The following ASPM variants were observed in gnomAD, a reference collection of about 807,000 sequenced individuals.
The protein encoded by ASPM is assembly factor for spindle microtubules.
A neutral mutation model predicts 366.4 loss-of-function variants in ASPM; 256 were observed. The observed-to-expected ratio is 0.70, with a 90% CI of 0.63 to 0.77. The LOEUF (loss-of-function observed/expected upper bound fraction) is 0.77. Among genes scored for constraint, ASPM ranks in the 30% least tolerant of loss-of-function variants. ASPM has a pLI of 0.00. For missense variants in ASPM, 4,146 were observed against 4,090.4 expected, an observed-to-expected ratio of 1.01 and a Z score of -0.37; for synonymous variants, 1,414 against 1,342.9, an observed-to-expected ratio of 1.05 and a Z score of -1.16.
rs1454396399 is a variant in ASPM, at chr1:197,101,844, T to G, written c.7407A>C (p.Arg2469Ser). 2.5e-6 allele frequency: 4 copies of G among 1,612,886 alleles called. No individual in the cohort carries two copies. Among genetic ancestry groups the G allele is most frequent in the Non-Finnish European group, 2.5e-6 (3 of 1,179,332 alleles). ...KAAITIQSSYRRLMVKKKLQE... is the reference protein window; with the variant it reads ...KAAITIQSSYSRLMVKKKLQE... ...GTAACTTCTTCTTTACCATCAGTCT[T>G]CTGTAAGATGACTGTATTGTAATGG... Residue 2469 changes from arginine (R) to serine (S), a missense_variant, in exon 18 of 28, where the codon AGA (arginine) becomes AGC (serine). Coordinates refer to ENST00000367409, the MANE Select transcript of ASPM (RefSeq NM_018136.5).
At chr1:197,114,141 A>G (rs1469590779) in intron 17 of ASPM, among the ~76,000 whole-genome samples, 1 of 152,230 alleles carries the variant, frequency 6.6e-6, no homozygotes, top group African/African-American at 2.4e-5. Context: ...TGGTTTCCCA[A>G]TACATACCGA....
intron 4 of ASPM, chr1:197,139,251 CT>C: frequency 4.3e-6 from 4 of 934,352 alleles, no homozygotes; most frequent in Non-Finnish European, 5.2e-6. Flanking sequence ...TCTGACCATC[CT>C]TTTACCAACT....
intron 26 of ASPM, 106 bp downstream of exon 26, chr1:197,088,150 T>A (rs549304607): frequency 7.8e-7 from 1 of 1,284,806 alleles, no homozygotes; most frequent in East Asian, 2.3e-5. Context: ...TGAACACACA[T>A]AAAACCCTAT....
At chr1:197,092,141 A>C (rs1656806182) in intron 21 of ASPM, 85 bp from the exon 22 acceptor site, 1 of 1,310,776 alleles carries the variant, frequency 7.6e-7, no homozygotes, top group Non-Finnish European at 1.1e-6. Context: ...CCTCAACATC[A>C]AATTATATAA....
rs1000564133 is a variant in ASPM at position 197,096,314 on chromosome 1, T to C, written c.8821-150A>G. The C allele has an allele frequency of 8.5e-6, 6 of 705,642 alleles. No individual in the cohort carries two copies. In the Admixed American group the frequency reaches 1.2e-4, roughly 14 times the overall value. 43.7% of individuals were successfully genotyped at this position (705,642 alleles called of 1,614,324 possible). The stretch of plus-strand genomic sequence containing the variant: ...ATCATGACTCTTTTAGACTTTGACA[T>C]GTAATGAGTCTTCTGAGAACAGTGG... On this transcript the variant is annotated intron_variant, in intron 18 of 27. Coordinates refer to ENST00000367409, the MANE Select transcript of ASPM (RefSeq NM_018136.5).
rs1399597200 is a variant in ASPM, at chr1:197,101,659, C to T, written c.7592G>A (p.Trp2531Ter). The change falls in exon 18 of 28, where the codon TGG (tryptophan) becomes TAG (stop). Residue 2531 changes from tryptophan (W) to a stop codon, truncating the protein, a stop_gained. Transcript: ENST00000367409. LOFTEE classifies it high-confidence loss of function. Reference sequence around the variant, plus strand: ...AGCCTGAATAACCACAGCAGAATGCCATTGTCTGATATAATTTTCTCTTTG... The same window carrying T: ...AGCCTGAATAACCACAGCAGAATGCTATTGTCTGATATAATTTTCTCTTTG... ...KLQRENYIRQ[W>*]HSAVVIQAAY... The T allele has an allele frequency of 2.7e-5, 44 of 1,611,888 alleles. No individual in the cohort carries two copies. Among genetic ancestry groups the T allele is most frequent in the Non-Finnish European group, 3.6e-5 (42 of 1,179,058 alleles).
In ASPM at chr1:197,104,582, A is replaced by G. The variant is rs762259307; in HGVS notation, c.4669T>C (p.Cys1557Arg). Residue 1557 changes from cysteine (C) to arginine (R), a missense_variant, in exon 18 of 28, where the codon TGT becomes CGT. Transcript: ENST00000367409. Reference protein sequence around the residue: ...AFRRLKAHNLCRQIRAACVIQ... With the variant: ...AFRRLKAHNLRRQIRAACVIQ... ...ACACAAGCAGCTCTAATTTGTCTACATAAATTATGAGCTTTCAGTCTCCTA... is the reference window on the plus strand; with the variant it reads ...ACACAAGCAGCTCTAATTTGTCTACGTAAATTATGAGCTTTCAGTCTCCTA... The G allele has an allele frequency of 3.1e-6, 5 of 1,612,926 alleles. No individual in the cohort carries two copies. The South Asian group carries it at 4.4e-5, about 14-fold the overall frequency.
chr1:197,090,813 T>C, intron 23 of ASPM, 37 bp downstream of exon 23: 4 of 1,581,020 alleles, frequency 2.5e-6, no homozygotes, highest in Non-Finnish European at 3.5e-6. Context: ...AATTGCAAAC[T>C]AAAGTTTTGA....
chr1:197,146,076 G>A (rs1658766939), intron 1 of ASPM, 65 bp downstream of exon 1: 1 of 1,585,558 alleles, frequency 6.3e-7, no homozygotes, highest in Admixed American at 1.7e-5. Context: ...TTCCTGAGGA[G>A]GGTGGCAGGA....
chr1:197,146,114 C>T, intron 1 of ASPM, 27 bp downstream of exon 1: 1 of 1,613,848 alleles, frequency 6.2e-7, no homozygotes, highest in Non-Finnish European at 8.5e-7. Context: ...GAACACCGGC[C>T]TGGAGCACGC....
rs552227403 is a variant in ASPM, at chr1:197,135,027, G to A, written c.2173+69C>T. ...TAATAACTATGTATAATTAAAGAAT[G>A]ACAAACGATGTTAAAAATCTTTATC... On this transcript the variant is annotated intron_variant, in intron 5 of 27. Coordinates refer to ENST00000367409, the MANE Select transcript of ASPM (RefSeq NM_018136.5). The A allele has an allele frequency of 5.8e-4, 704 of 1,208,760 alleles. 3 individuals carry two copies. The Middle Eastern group carries it at 8.0e-3, about 14-fold the overall frequency. 74.9% of individuals were successfully genotyped at this position (1,208,760 alleles called of 1,614,324 possible). A position where few individuals can be genotyped will look rare whatever the true frequency, so the allele number is the denominator to read the frequency against.
In ASPM at chr1:197,132,355, G is replaced by A. The variant is rs1339989353; in HGVS notation, c.2420-3C>T. On this transcript the variant is annotated splice_polypyrimidine_tract_variant and splice_region_variant and intron_variant, in intron 6 of 27. Coordinates refer to ENST00000367409, the MANE Select transcript of ASPM (RefSeq NM_018136.5). ...ATTCAGGACTTTCTGACGTTCTCCTGAAATGCATGTCAAAGGCAAATAAGT... is the reference window on the plus strand; with the variant it reads ...ATTCAGGACTTTCTGACGTTCTCCTAAAATGCATGTCAAAGGCAAATAAGT... 3.7e-6 allele frequency: 6 copies of A among 1,612,854 alleles called. No homozygotes were observed. Among genetic ancestry groups the A allele is most frequent in the Middle Eastern group, 1.7e-4 (1 of 6,052 alleles).
In ASPM at chr1:197,093,362, A is replaced by T. The variant is rs145908430; in HGVS notation, c.9085-101T>A. On this transcript the variant is annotated intron_variant, in intron 20 of 27. Coordinates refer to ENST00000367409, the MANE Select transcript of ASPM (RefSeq NM_018136.5). ...TTCTCAATGAGATGGCATAATTATG[A>T]TTTATAGTCTAAGAATGCCATGTTT... 1,867 of 946,728 alleles carry T rather than the reference A, an allele frequency of 2.0e-3. 21 individuals are homozygous for T. The African/African-American group carries it at 0.026, about 13-fold the overall frequency. 58.6% of individuals were successfully genotyped at this position (946,728 alleles called of 1,614,324 possible).
Position 197,104,131 on chromosome 1 carries a change from A to T in ASPM, c.5120T>A (p.Phe1707Tyr). ...QYLHLRAAAL[F>Y]IQQCYRSKKI... ...TTTGGAACGGTAACATTGCTGGATA[A>T]ATAGTGCAGCTGCTCTTAAATGCAA... Residue 1707 changes from phenylalanine (F) to tyrosine (Y), a missense_variant, in exon 18 of 28, where the codon TTT becomes TAT. Physicochemically the swap from Phe to Tyr is conservative, Grantham distance 22 (BLOSUM62 3). This residue lies in a region of ASPM where 3,624 missense variants were observed against 3,591.7 expected (regional missense o/e 1.01). Coordinates refer to ENST00000367409, the MANE Select transcript of ASPM (RefSeq NM_018136.5). 2 of 1,612,960 alleles carry T rather than the reference A, an allele frequency of 1.2e-6. No individual in the cohort carries two copies. Among genetic ancestry groups the T allele is most frequent in the South Asian group, 2.2e-5 (2 of 91,054 alleles).
rs201732387 is a variant in ASPM at position 197,100,607 on chromosome 1, A to G, written c.8644T>C (p.Tyr2882His). The G allele has an allele frequency of 1.3e-5, 21 of 1,612,010 alleles. No homozygotes were observed. Among genetic ancestry groups the G allele is most frequent in the East Asian group, 4.5e-5 (2 of 44,786 alleles). ...TWQTRKQFLL[Y>H]RKAAVVLQNH... Reference sequence around the variant, plus strand: ...TGTAAAACCACTGCTGCTTTTCTATATAGTAAAAACTGTTTTCTGGTTTGC... The same window carrying G: ...TGTAAAACCACTGCTGCTTTTCTATGTAGTAAAAACTGTTTTCTGGTTTGC... The change falls in exon 18 of 28, where the codon TAT becomes CAT. Residue 2882 changes from tyrosine (Y) to histidine (H), a missense_variant. By Grantham distance (83) the Tyr-to-His change is moderately conservative (BLOSUM62 2). Around this residue, in one of 3 missense-constraint regions of ASPM, gnomAD observed 3,624 missense variants for 3,591.7 expected, o/e 1.01. Transcript: ENST00000367409.
intron 1 of ASPM, among the ~76,000 whole-genome samples, chr1:197,145,132 G>A (rs1383936773): frequency 2.0e-5 from 3 of 152,150 alleles, no homozygotes; most frequent in South Asian, 2.1e-4. Context: ...AGGGACCTCA[G>A]ATTAGAATCT....
Position 197,103,003 on chromosome 1 carries a change from G to A in ASPM, c.6248C>T (p.Thr2083Ile). Residue 2083 changes from threonine to isoleucine, a missense_variant, in exon 18 of 28, where the codon ACA becomes ATA. Physicochemically the swap from Thr to Ile is moderately conservative, Grantham distance 89. This residue lies in a region of ASPM where 3,624 missense variants were observed against 3,591.7 expected (regional missense o/e 1.01). Coordinates refer to ENST00000367409, the MANE Select transcript of ASPM (RefSeq NM_018136.5). ...AAGATACTCCTTATGCTGATGGTTT[G>A]TAATTTTAATACCTCGATACCATCT... ...IQRWYRGIKITNHQHKEYLNL... is the reference protein window; with the variant it reads ...IQRWYRGIKIINHQHKEYLNL... 6.2e-7 allele frequency: 1 copy of A among 1,612,256 alleles called. No individual in the cohort carries two copies. Among genetic ancestry groups the A allele is most frequent in the Non-Finnish European group, 8.5e-7 (1 of 1,179,046 alleles).
chr1:197,098,005 T>A (rs1258537321), intron 18 of ASPM, among the ~76,000 whole-genome samples: 1 of 149,426 alleles, frequency 6.7e-6, no homozygotes, highest in Admixed American at 6.7e-5. Flanking sequence ...TTTACAAATA[T>A]ATATATATAT....
intron 17 of ASPM, among the ~76,000 whole-genome samples, chr1:197,112,230 C>A (rs570596879): frequency 6.6e-6 from 1 of 152,152 alleles, no homozygotes; most frequent in South Asian, 2.1e-4. Flanking sequence ...GAGCTGGAGG[C>A]CATTATCCTT....
Sources: gnomAD v4.1 joint callset for allele counts (sites outside exome capture counted in the v4.1 genomes callset) on GRCh38, gnomAD v4.1.1 for gene constraint, gnomAD v4.1.1 regional missense constraint, MANE v1.5 for transcripts, NCBI Gene and HGNC (gene_info 2026-07-23, HGNC 2026-07-21) for gene names.